The following SPPL3 variants were observed in gnomAD, a reference collection of about 807,000 sequenced individuals.
The protein encoded by SPPL3 is signal peptide peptidase like 3.
A neutral mutation model predicts 42.4 loss-of-function variants in SPPL3; 5 were observed. The observed-to-expected ratio is 0.12, with a 90% CI of 0.06 to 0.25. The LOEUF (loss-of-function observed/expected upper bound fraction) is 0.25, where lower values mean the gene tolerates loss of function less well. Among genes scored for constraint, SPPL3 ranks in the 10% least tolerant of loss-of-function variants. SPPL3 has a pLI of 1.00. For missense variants in SPPL3, 235 were observed against 489.0 expected (o/e 0.48, Z 4.90); for synonymous variants, 195 against 181.8 (o/e 1.07, Z -0.58).
intron 3 of SPPL3, among the ~76,000 whole-genome samples, chr12:120,788,921 C>T (rs1435455294): frequency 6.6e-6 from 1 of 152,136 alleles, no homozygotes; most frequent in Non-Finnish European, 1.5e-5. Context: ...TTCTTTGATT[C>T]TTGATAAATT....
At position 120,763,400 on chromosome 12, in the gene SPPL3, C is replaced by G. The variant is rs1368363037; in HGVS notation, c.*1599G>C. 1.3e-5 allele frequency: 2 copies of G among 152,734 alleles called. No homozygotes were observed. Among genetic ancestry groups the G allele is most frequent in the African/African-American group, 4.8e-5 (2 of 41,452 alleles). 9.5% of individuals were successfully genotyped at this position (152,734 alleles called of 1,614,324 possible). ...GACTTCAAGCCACAGTGACACAGCA[C>G]ACTAATTCATTACACAGGTCAAGAC... On this transcript the variant is annotated 3_prime_UTR_variant, in exon 11 of 11. Coordinates refer to ENST00000353487, the MANE Select transcript of SPPL3 (RefSeq NM_139015.5).
chr12:120,872,560 C>T (rs1593005410), intron 1 of SPPL3, among the ~76,000 whole-genome samples: 1 of 151,954 alleles, frequency 6.6e-6, no homozygotes, highest in African/African-American at 2.4e-5. Flanking sequence ...ATTTGCAGGA[C>T]CCAGTACTGG....
At chr12:120,898,470 C>T (rs749184174) in intron 1 of SPPL3, among the ~76,000 whole-genome samples, 3 of 151,852 alleles carry the variant, frequency 2.0e-5, no homozygotes, top group African/African-American at 4.8e-5. Context: ...GAGAGACACA[C>T]ACAAGATCAA....
chr12:120,801,772 G>C (rs1042405389), intron 2 of SPPL3, among the ~76,000 whole-genome samples: 3 of 152,200 alleles, frequency 2.0e-5, no homozygotes, highest in Non-Finnish European at 2.9e-5. Context: ...CTTTATAGGT[G>C]AATGATATGG....
chr12:120,838,499 T>C (rs1346004139), intron 1 of SPPL3, among the ~76,000 whole-genome samples: 1 of 152,236 alleles, frequency 6.6e-6, no homozygotes, highest in African/African-American at 2.4e-5. Context: ...CTGGGAACGC[T>C]GTCCTAGTCA....
At chr12:120,856,503 C>CTT (rs35137934) in intron 1 of SPPL3, among the ~76,000 whole-genome samples, 20,098 of 89,018 alleles carry the variant, frequency 0.23, 2,636 homozygotes, top group Non-Finnish European at 0.31. Context: ...CAATTTTCAT[C>CTT]TTTTTTTTTT....
At chr12:120,851,609 T>C (rs1872227067) in intron 1 of SPPL3, among the ~76,000 whole-genome samples, 1 of 152,106 alleles carries the variant, frequency 6.6e-6, no homozygotes, top group Non-Finnish European at 1.5e-5. Flanking sequence ...TTCACATTCT[T>C]TTTTGTTTTT....
intron 6 of SPPL3, among the ~76,000 whole-genome samples, chr12:120,774,845 A>C (rs1403292040): frequency 6.6e-6 from 1 of 152,104 alleles, no homozygotes; most frequent in East Asian, 1.9e-4. Flanking sequence ...ACTCTCTCTT[A>C]TAGGTTTACC....
intron 1 of SPPL3, among the ~76,000 whole-genome samples, chr12:120,848,928 T>C (rs556459024): frequency 1.4e-5 from 2 of 146,984 alleles, no homozygotes; most frequent in Non-Finnish European, 3.0e-5. Flanking sequence ...TCAATTTTGG[T>C]TTTTTTTTTG....
intron 2 of SPPL3, among the ~76,000 whole-genome samples, chr12:120,802,409 G>GTA (rs1363690046): frequency 0.031 from 3,459 of 111,114 alleles, 77 homozygotes; most frequent in Non-Finnish European, 0.038. Flanking sequence ...GTGTGTGTGT[G>GTA]TGTGTGTATA....
rs938563261 is a variant in SPPL3 at position 120,850,508 on chromosome 12, A to C, written c.24-39622T>G. On this transcript the variant is annotated intron_variant, in intron 1 of 10. Coordinates refer to ENST00000353487, the MANE Select transcript of SPPL3 (RefSeq NM_139015.5). Reference sequence around the variant, plus strand: ...ACCAGCCTTTAAAAAAAAAAAAAAAAAAAAACAAAAGCCAAATGCTGCTAT... The same window carrying C: ...ACCAGCCTTTAAAAAAAAAAAAAAACAAAAACAAAAGCCAAATGCTGCTAT... Among the ~76,000 whole-genome samples the C allele has an allele frequency of 3.5e-4, 53 of 151,444 alleles. 1 individual carries two copies. Among genetic ancestry groups the C allele is most frequent in the South Asian group, 2.7e-3 (13 of 4,816 alleles).
chr12:120,870,344 C>T (rs1872883563), intron 1 of SPPL3, among the ~76,000 whole-genome samples: 2 of 152,134 alleles, frequency 1.3e-5, no homozygotes, highest in African/African-American at 4.8e-5. Context: ...ACTCGGGAGG[C>T]TGAGGCAGGA....
intron 1 of SPPL3, among the ~76,000 whole-genome samples, chr12:120,815,629 G>A (rs1403208566): frequency 6.6e-6 from 1 of 152,162 alleles, no homozygotes; most frequent in Non-Finnish European, 1.5e-5. Context: ...CTTAAAGTCT[G>A]ATACTATTGT....
At chr12:120,840,787 G>C (rs1349559058) in intron 1 of SPPL3, among the ~76,000 whole-genome samples, 1 of 151,880 alleles carries the variant, frequency 6.6e-6, no homozygotes, top group Non-Finnish European at 1.5e-5. Context: ...AGACAAGATT[G>C]TGCCATTACA....
At chr12:120,821,277 T>A (rs1871059277) in intron 1 of SPPL3, among the ~76,000 whole-genome samples, 1 of 152,248 alleles carries the variant, frequency 6.6e-6, no homozygotes, top group Non-Finnish European at 1.5e-5. Context: ...CTTTTTCCTA[T>A]GAATTATCCT....
intron 1 of SPPL3, among the ~76,000 whole-genome samples, chr12:120,882,010 T>C (rs1873300926): frequency 6.6e-6 from 1 of 151,856 alleles, no homozygotes; most frequent in Non-Finnish European, 1.5e-5. Context: ...CTGAAAATAT[T>C]AAATGGAAAT....
intron 1 of SPPL3, among the ~76,000 whole-genome samples, chr12:120,902,200 C>G (rs1263612918): frequency 1.3e-5 from 2 of 152,214 alleles, no homozygotes; most frequent in South Asian, 4.1e-4. Context: ...ACGTGTTCAC[C>G]AAGATTTTAA....
intron 1 of SPPL3, among the ~76,000 whole-genome samples, chr12:120,829,465 A>C (rs1271745612): frequency 6.6e-6 from 1 of 152,034 alleles, no homozygotes; most frequent in Non-Finnish European, 1.5e-5. Context: ...GCATGATGGT[A>C]TATACCTGCA....
intron 1 of SPPL3, among the ~76,000 whole-genome samples, chr12:120,887,930 C>T (rs560360869): frequency 5.2e-4 from 79 of 152,228 alleles, no homozygotes; most frequent in African/African-American, 1.3e-3. Context: ...ATGGTGCAGC[C>T]GTTTTGGAAA....
Sources: gnomAD v4.1 joint callset for allele counts (sites outside exome capture counted in the v4.1 genomes callset) on GRCh38, gnomAD v4.1.1 for gene constraint, MANE v1.5 for transcripts, NCBI Gene and HGNC (gene_info 2026-07-23, HGNC 2026-07-21) for gene names.